Variants in CEP83 observed in about 807,000 individuals in gnomAD.
The protein encoded by CEP83 is centrosomal protein of 83 kDa.
A neutral mutation model predicts 101.9 loss-of-function variants in CEP83; 70 were observed. The observed-to-expected ratio is 0.69, with a 90% CI of 0.57 to 0.84. The LOEUF (loss-of-function observed/expected upper bound fraction) is 0.84, where lower values mean the gene tolerates loss of function less well. Among genes scored for constraint, CEP83 ranks in the 40% least tolerant of loss-of-function variants. The pLI, the probability that CEP83 is intolerant of heterozygous loss-of-function variation, is 0.00. For synonymous variants in CEP83, 264 were observed against 267.9 expected (o/e 0.99, Z 0.14); for missense variants, 715 against 787.2 (o/e 0.91, Z 1.10).
Position 94,376,021 on chromosome 12 carries a change from T to A in CEP83, c.802-4A>T, listed in dbSNP as rs776895875. ...AATTAGCTGATTGTTTTTCAGCCTT[T>A]CATACAAACAAAATAGTTTAAAATT... On this transcript the variant is annotated splice_region_variant and splice_polypyrimidine_tract_variant and intron_variant, in intron 7 of 16. Transcript: ENST00000397809. 25 of 1,537,234 alleles carry A rather than the reference T, an allele frequency of 1.6e-5. No homozygotes were observed. Among genetic ancestry groups the A allele is most frequent in the Non-Finnish European group, 2.1e-5 (24 of 1,138,452 alleles).
intron 11 of CEP83, among the ~76,000 whole-genome samples, chr12:94,362,833 C>T (rs1001227528): frequency 6.6e-6 from 1 of 152,184 alleles, no homozygotes; most frequent in African/African-American, 2.4e-5. Flanking sequence ...CATATATAAA[C>T]AATGGAATAC....
chr12:94,348,801 T>C (rs1257250959), intron 11 of CEP83, among the ~76,000 whole-genome samples: 1 of 152,192 alleles, frequency 6.6e-6, no homozygotes, highest in East Asian at 1.9e-4. Context: ...AATTCTTCTC[T>C]ACGACAATGT....
chr12:94,328,236 G>T lies in CEP83; in HGVS notation c.1707+3464C>A, dbSNP rs1020536342. On this transcript the variant is annotated intron_variant, in intron 14 of 16. Transcript: ENST00000397809. ...CACTTCAAGAGATCTCTCTTCAATG[G>T]GGGTGGGGGGAATACACTCTCTCTG... 1.9e-5 allele frequency: 6 copies of T among 318,516 alleles called. No homozygotes were observed. The Admixed American group carries it at 2.2e-4, about 12-fold the overall frequency. The allele number at this position is 318,516 out of a possible 1,614,324, so 19.7% of individuals were successfully genotyped here. A position where few individuals can be genotyped will look rare whatever the true frequency, so the allele number is the denominator to read the frequency against.
rs1016321923 is a variant in CEP83, at chr12:94,369,997, C to G, written c.973G>C (p.Asp325His). 2 of 1,609,950 alleles carry G rather than the reference C, an allele frequency of 1.2e-6. No individual in the cohort carries two copies. Among genetic ancestry groups the G allele is most frequent in the Non-Finnish European group, 1.7e-6 (2 of 1,176,798 alleles). ...LKHSNKLEIT[D>H]IKLETARAKS... is the part of the protein sequence containing the mutation. ...GCTCTTGCTGTCTCCAGTTTGATGTCTGTTATTTCCAGTTTGTTTGAATGT... is the reference window on the plus strand; with the variant it reads ...GCTCTTGCTGTCTCCAGTTTGATGTGTGTTATTTCCAGTTTGTTTGAATGT... The change falls in exon 9 of 17, where the codon GAC (aspartate) becomes CAC (histidine). Residue 325 changes from aspartate to histidine, a missense_variant. Transcript: ENST00000397809.
intron 1 of CEP83, among the ~76,000 whole-genome samples, chr12:94,437,272 C>A (rs2066066696): frequency 6.6e-6 from 1 of 152,018 alleles, no homozygotes; most frequent in African/African-American, 2.4e-5. Flanking sequence ...CTGAACCTGG[C>A]AGGTGGAGGC....
chr12:94,376,045 TTCA>T (rs2061518577), intron 7 of CEP83, 28 bp from the exon 8 acceptor site: 1 of 1,383,096 alleles, frequency 7.2e-7, no homozygotes, highest in Non-Finnish European at 9.7e-7. Context: ...TAGTTTAAAA[TTCA>T]TCATTTTTCA....
chr12:94,419,975 A>G, intron 2 of CEP83, among the ~76,000 whole-genome samples: 1 of 152,200 alleles, frequency 6.6e-6, no homozygotes, highest in Non-Finnish European at 1.5e-5. Context: ...CAGATAAATA[A>G]TGAGACCGAG....
chr12:94,281,430 T>G, the CEP83 span, among the ~76,000 whole-genome samples: 1 of 152,120 alleles, frequency 6.6e-6, no homozygotes, highest in Non-Finnish European at 1.5e-5. Context: ...CAGAAAGCAG[T>G]GGAGCTTGAC....
rs1425932542 is a variant in CEP83 at position 94,413,815 on chromosome 12, CCAT to C, written c.-101-1227_-101-1225del. 4.9e-5 allele frequency among the ~76,000 whole-genome samples: 7 copies of C among 144,256 alleles called. No individual in the cohort carries two copies. In the East Asian group the frequency reaches 1.4e-3, roughly 29 times the overall value. 94.6% of individuals were successfully genotyped at this position (144,256 alleles called of 152,430 possible). On this transcript the variant is annotated intron_variant, in intron 2 of 16. Transcript: ENST00000397809. The stretch of plus-strand genomic sequence containing the variant: ...TCTCCTTTAATTTCTTTCTCTAGTC[CCAT>C]AATACATACACACACACACACACAC...
intron 11 of CEP83, among the ~76,000 whole-genome samples, chr12:94,359,130 C>T (rs2060622520): frequency 6.6e-6 from 1 of 152,206 alleles, no homozygotes; most frequent in African/African-American, 2.4e-5. Flanking sequence ...AGAAACAATG[C>T]TAATGACTGG....
chr12:94,284,942 T>C, the CEP83 span, among the ~76,000 whole-genome samples: 5 of 152,154 alleles, frequency 3.3e-5, no homozygotes, highest in Admixed American at 6.5e-5. Flanking sequence ...AACCTGGAAA[T>C]AGCCCCATTA....
At chr12:94,374,058 T>C (rs1207338666) in intron 8 of CEP83, among the ~76,000 whole-genome samples, 1 of 152,164 alleles carries the variant, frequency 6.6e-6, no homozygotes, top group African/African-American at 2.4e-5. Flanking sequence ...GCAATGTGTA[T>C]TAATAAACAA....
At chr12:94,398,943 C>T (rs2063077456) in intron 6 of CEP83, among the ~76,000 whole-genome samples, 2 of 152,150 alleles carry the variant, frequency 1.3e-5, no homozygotes, top group Admixed American at 1.3e-4. Context: ...GGAAACCCCA[C>T]CCTGGTAAAT....
chr12:94,312,643 AACT>A (rs1304554758), intron 15 of CEP83: 3 of 985,192 alleles, frequency 3.0e-6, no homozygotes, highest in Non-Finnish European at 3.6e-6. Flanking sequence ...CAGCAGCAAC[AACT>A]AACACCACTC....
At chr12:94,279,508 G>C in the CEP83 span, 1 of 1,613,808 alleles carries the variant, frequency 6.2e-7, no homozygotes, top group South Asian at 1.1e-5. Context: ...CCCGGAAAAC[G>C]AGAGTGCAGA....
At chr12:94,438,857 T>G (rs1400655970) in intron 1 of CEP83, among the ~76,000 whole-genome samples, 3 of 152,170 alleles carry the variant, frequency 2.0e-5, no homozygotes, top group African/African-American at 7.2e-5. Context: ...AACTAGAAAT[T>G]AACTCCAAAG....
intron 14 of CEP83, among the ~76,000 whole-genome samples, chr12:94,315,341 G>C (rs1970503016): frequency 6.6e-6 from 1 of 152,078 alleles, no homozygotes; most frequent in African/African-American, 2.4e-5. Context: ...TAAAGGTATT[G>C]AGCATCTTTT....
chr12:94,270,755 C>G, the CEP83 span, among the ~76,000 whole-genome samples: 27 of 148,494 alleles, frequency 1.8e-4, 1 homozygote, highest in African/African-American at 6.1e-4. Flanking sequence ...AGAAAATTAT[C>G]TCCATTACTT....
At chr12:94,366,698 G>C (rs1021065475) in intron 11 of CEP83, among the ~76,000 whole-genome samples, 16 of 152,162 alleles carry the variant, frequency 1.1e-4, no homozygotes, top group Non-Finnish European at 1.5e-5. Flanking sequence ...TGACTCTCTA[G>C]TACCAATAAG....
Sources: allele counts gnomAD v4.1 joint callset (sites outside exome capture counted in the v4.1 genomes callset), GRCh38; gene constraint gnomAD v4.1.1; transcripts MANE v1.5; gene names NCBI Gene and HGNC (gene_info 2026-07-23, HGNC 2026-07-21).